GPC6: variants seen among roughly 807,000 people sequenced by gnomAD.
GPC6 encodes the protein glypican-6.
Under a neutral mutation model 55.2 loss-of-function variants are expected in GPC6, and 14 were observed. The observed-to-expected ratio is 0.25, with a 90% CI of 0.17 to 0.40. The LOEUF (loss-of-function observed/expected upper bound fraction) is 0.40. Ranked by LOEUF, GPC6 falls within the 10% of genes least tolerant of loss-of-function variation. The pLI, the probability that GPC6 is intolerant of heterozygous loss-of-function variation, is 1.00. For synonymous variants in GPC6, 278 were observed against 259.6 expected (o/e 1.07, Z -0.68); for missense variants, 641 against 708.5 (o/e 0.90, Z 1.08).
intron 1 of GPC6, among the ~76,000 whole-genome samples, chr13:93,347,128 A>G (rs1285491176): frequency 6.6e-6 from 1 of 152,158 alleles, no homozygotes. Flanking sequence ...AGAAGCATCA[A>G]ACTGAACCAA....
At chr13:94,209,563 C>T (rs766189043) in intron 4 of GPC6, among the ~76,000 whole-genome samples, 31 of 152,112 alleles carry the variant, frequency 2.0e-4, no homozygotes, top group African/African-American at 2.7e-4. Flanking sequence ...AAATTCACTG[C>T]GGGTCTCATC....
At chr13:94,010,615 A>G (rs1349110125) in intron 3 of GPC6, among the ~76,000 whole-genome samples, 3 of 152,192 alleles carry the variant, frequency 2.0e-5, no homozygotes, top group Non-Finnish European at 4.4e-5. Context: ...CTAGATTTCT[A>G]TACCATTTGA....
chr13:93,454,783 C>T (rs1045095589), intron 1 of GPC6, among the ~76,000 whole-genome samples: 4 of 152,258 alleles, frequency 2.6e-5, no homozygotes, highest in African/African-American at 7.2e-5. Context: ...GCGCCCTGCG[C>T]CTGCACTCCT....
rs202132758 is a variant in GPC6, at chr13:93,925,345, G to A, written c.711+94800G>A. On this transcript the variant is annotated intron_variant, in intron 3 of 8. Coordinates refer to ENST00000377047, the MANE Select transcript of GPC6 (RefSeq NM_005708.5). ...TGAGAATGACCTTTAAATATAAAGT[G>A]TGTTATTTTGTAAAAGTCTGCAACT... Among the ~76,000 whole-genome samples, 9 of 152,232 alleles carry A rather than the reference G, an allele frequency of 5.9e-5. 1 individual carries two copies. The East Asian group carries it at 1.7e-3, about 29-fold the overall frequency.
At chr13:94,293,113 C>T (rs1255683482) in intron 5 of GPC6, among the ~76,000 whole-genome samples, 1 of 151,514 alleles carries the variant, frequency 6.6e-6, no homozygotes, top group Non-Finnish European at 1.5e-5. Flanking sequence ...AAAGAATCTC[C>T]CAGTAACAGT....
chr13:93,671,497 T>G (rs1408852763), intron 2 of GPC6, among the ~76,000 whole-genome samples: 1 of 152,122 alleles, frequency 6.6e-6, no homozygotes, highest in African/African-American at 2.4e-5. Context: ...ATCTTCCCTC[T>G]GGGGTGTTTT....
intron 4 of GPC6, among the ~76,000 whole-genome samples, chr13:94,222,931 TC>T (rs1890430044): frequency 6.6e-6 from 1 of 152,056 alleles, no homozygotes; most frequent in African/African-American, 2.4e-5. Context: ...AGGTTAAAGC[TC>T]CCATCTTCCA....
At chr13:94,151,340 A>G (rs1015665624) in intron 4 of GPC6, among the ~76,000 whole-genome samples, 2 of 152,146 alleles carry the variant, frequency 1.3e-5, no homozygotes, top group African/African-American at 2.4e-5. Context: ...ACTGGAAAAG[A>G]TCTGTTATAA....
Position 93,501,041 on chromosome 13 carries a change from A to G in GPC6, c.161-44222A>G, listed in dbSNP as rs1880502742. Among the ~76,000 whole-genome samples the G allele has an allele frequency of 2.0e-5, 3 of 152,158 alleles. No individual in the cohort carries two copies. In the South Asian group the frequency reaches 6.2e-4, roughly 31 times the overall value. On this transcript the variant is annotated intron_variant, in intron 1 of 8. Coordinates refer to ENST00000377047, the MANE Select transcript of GPC6 (RefSeq NM_005708.5). The stretch of plus-strand genomic sequence containing the variant: ...TGAGAGATGCCAGTATCTTATCCAC[A>G]CACGAGAACTTTATTCTAAATATTT...
At chr13:94,145,926 A>G (rs1887547672) in intron 4 of GPC6, among the ~76,000 whole-genome samples, 1 of 152,144 alleles carries the variant, frequency 6.6e-6, no homozygotes, top group South Asian at 2.1e-4. Flanking sequence ...TGACAGGAGG[A>G]TCAAATGGAC....
At chr13:93,703,776 A>T (rs796463897) in intron 2 of GPC6, among the ~76,000 whole-genome samples, 1 of 152,008 alleles carries the variant, frequency 6.6e-6, no homozygotes, top group African/African-American at 2.4e-5. Flanking sequence ...TTGAAGACTT[A>T]TCCCTAGGTC....
intron 3 of GPC6, among the ~76,000 whole-genome samples, chr13:93,960,405 C>T (rs1246411514): frequency 1.3e-5 from 2 of 152,148 alleles, no homozygotes; most frequent in African/African-American, 4.8e-5. Context: ...TTGCAGAAAA[C>T]CTCTCAATTC....
intron 1 of GPC6, among the ~76,000 whole-genome samples, chr13:93,307,759 G>A (rs1878908176): frequency 2.0e-5 from 3 of 152,044 alleles, no homozygotes. Flanking sequence ...GATCTTTTGA[G>A]ATCTATTGTA....
intron 4 of GPC6, among the ~76,000 whole-genome samples, chr13:94,037,343 C>A (rs574467226): frequency 6.6e-6 from 1 of 152,018 alleles, no homozygotes; most frequent in African/African-American, 2.4e-5. Flanking sequence ...TCCAGATATG[C>A]GCTTCCCGAG....
intron 4 of GPC6, among the ~76,000 whole-genome samples, chr13:94,128,453 T>G (rs1406792371): frequency 6.6e-6 from 1 of 152,170 alleles, no homozygotes; most frequent in Non-Finnish European, 1.5e-5. Flanking sequence ...TTCTTTTCTT[T>G]CTAGCATTAC....
intron 1 of GPC6, among the ~76,000 whole-genome samples, chr13:93,391,815 A>G (rs895317838): frequency 1.2e-4 from 18 of 152,176 alleles, no homozygotes; most frequent in African/African-American, 2.4e-5. Flanking sequence ...TCACTCTGGC[A>G]GATGAGTTAC....
Position 93,505,456 on chromosome 13 carries a change from CAGAG to C in GPC6, c.161-39791_161-39788del, listed in dbSNP as rs374453375. Among the ~76,000 whole-genome samples the C allele has an allele frequency of 5.3e-4, 80 of 149,708 alleles. 1 individual carries two copies. The highest frequency in any genetic ancestry group is 1.5e-3 in the South Asian group (7 of 4,732). The stretch of plus-strand genomic sequence containing the variant: ...GCACACACACACACACACACAGAGA[CAGAG>C]AGAGAGAGAGAGAGAAAGAGAGATT... On this transcript the variant is annotated intron_variant, in intron 1 of 8. Coordinates refer to ENST00000377047, the MANE Select transcript of GPC6 (RefSeq NM_005708.5).
chr13:93,830,612 TAAAAAAAAAAAAAAAA>T (rs369020255), intron 3 of GPC6, 67 bp downstream of exon 3: 2 of 326,450 alleles, frequency 6.1e-6, no homozygotes, highest in Non-Finnish European at 9.7e-6. Flanking sequence ...AACCAATGTT[TAAAAAAAAAAAAAAAA>T]AAAAAAAAAA....
chr13:93,584,520 T>C (rs1877093976), intron 2 of GPC6, among the ~76,000 whole-genome samples: 1 of 152,088 alleles, frequency 6.6e-6, no homozygotes, highest in South Asian at 2.1e-4. Context: ...CACTTCTCAG[T>C]GGTAATTTCT....
Sources: gnomAD v4.1 joint callset for allele counts (sites outside exome capture counted in the v4.1 genomes callset) on GRCh38, gnomAD v4.1.1 for gene constraint, MANE v1.5 for transcripts, NCBI Gene and HGNC (gene_info 2026-07-23, HGNC 2026-07-21) for gene names.